Variants in CNTNAP2 observed in about 807,000 individuals in gnomAD.
The protein encoded by CNTNAP2 is contactin associated protein 2, also known as contactin-associated protein-like 2.
A neutral mutation model predicts 155.2 loss-of-function variants in CNTNAP2; 98 were observed. The observed-to-expected ratio is 0.63, with a 90% CI of 0.54 to 0.75. CNTNAP2 has a LOEUF of 0.75. Ranked by LOEUF, CNTNAP2 falls within the 30% of genes least tolerant of loss-of-function variation. CNTNAP2 has a pLI of 0.00. For missense variants in CNTNAP2, 1,727 were observed against 1,688.1 expected (o/e 1.02, Z -0.40); for synonymous variants, 651 against 631.2 (o/e 1.03, Z -0.47).
chr7:147,792,292 C>A (rs1295550974), intron 13 of CNTNAP2, among the ~76,000 whole-genome samples: 1 of 152,128 alleles, frequency 6.6e-6, no homozygotes, highest in East Asian at 1.9e-4. Context: ...ATTTTAGAAT[C>A]GTTTCAGTAA....
At chr7:147,200,639 G>GT (rs1802903621) in intron 8 of CNTNAP2, among the ~76,000 whole-genome samples, 1 of 152,162 alleles carries the variant, frequency 6.6e-6, no homozygotes, top group Non-Finnish European at 1.5e-5. Context: ...ACTATAAAAA[G>GT]TTTTTTAGAA....
intron 2 of CNTNAP2, among the ~76,000 whole-genome samples, chr7:146,803,448 T>C (rs1277234549): frequency 2.0e-5 from 3 of 152,158 alleles, no homozygotes; most frequent in Non-Finnish European, 4.4e-5. Context: ...GCACATAATC[T>C]CTTGTTTTCA....
chr7:147,150,126 T>A (rs1316877622), intron 8 of CNTNAP2, among the ~76,000 whole-genome samples: 1 of 152,190 alleles, frequency 6.6e-6, no homozygotes, highest in Non-Finnish European at 1.5e-5. Flanking sequence ...CAGTTAGGGA[T>A]GTGAGTCTGG....
At chr7:146,744,227 CAAA>C (rs60606492) in intron 1 of CNTNAP2, among the ~76,000 whole-genome samples, 139 of 48,146 alleles carry the variant, frequency 2.9e-3, no homozygotes, top group African/African-American at 9.2e-3. Flanking sequence ...CACTCTGTCT[CAAA>C]AAAAAAAAAA....
rs149800074 is a variant in CNTNAP2, at chr7:146,673,831, C to T, written c.98-100440C>T. On this transcript the variant is annotated intron_variant, in intron 1 of 23. Transcript: ENST00000361727. Reference sequence around the variant, plus strand: ...GTAGTGGCTTCAAGAGATCTTCCCACCCCAGCCTCCCAAAGTGCTGGGGTT... The same window carrying T: ...GTAGTGGCTTCAAGAGATCTTCCCATCCCAGCCTCCCAAAGTGCTGGGGTT... Among the ~76,000 whole-genome samples, 469 of 152,282 alleles carry T rather than the reference C, an allele frequency of 3.1e-3. 3 individuals carry two copies. Among genetic ancestry groups the T allele is most frequent in the Middle Eastern group, 0.014 (4 of 292 alleles).
At chr7:147,783,527 T>C (rs976721035) in intron 13 of CNTNAP2, among the ~76,000 whole-genome samples, 9 of 152,184 alleles carry the variant, frequency 5.9e-5, no homozygotes, top group Non-Finnish European at 1.2e-4. Flanking sequence ...ACTGGGTGCC[T>C]TAAACAACAG....
At chr7:147,586,641 C>G (rs1341911282) in intron 12 of CNTNAP2, among the ~76,000 whole-genome samples, 1 of 151,656 alleles carries the variant, frequency 6.6e-6, no homozygotes, top group African/African-American at 2.4e-5. Flanking sequence ...AGAAACAAAA[C>G]GGAAATACCC....
chr7:146,262,520 T>C (rs527315425), intron 1 of CNTNAP2, among the ~76,000 whole-genome samples: 5 of 152,300 alleles, frequency 3.3e-5, no homozygotes, highest in African/African-American at 9.6e-5. Context: ...ATAACATTTT[T>C]CCAATATGTA....
At chr7:148,254,658 C>T (rs1011442551) in intron 20 of CNTNAP2, among the ~76,000 whole-genome samples, 2 of 151,840 alleles carry the variant, frequency 1.3e-5, no homozygotes, top group Non-Finnish European at 2.9e-5. Flanking sequence ...CACCTGTAGT[C>T]CCAGCTACTC....
chr7:146,544,871 G>C (rs1185339983), intron 1 of CNTNAP2, among the ~76,000 whole-genome samples: 1 of 151,916 alleles, frequency 6.6e-6, no homozygotes, highest in Non-Finnish European at 1.5e-5. Context: ...AATCATCACA[G>C]GGTACTCTTG....
intron 17 of CNTNAP2, among the ~76,000 whole-genome samples, chr7:148,155,147 T>C (rs1314989583): frequency 6.6e-6 from 1 of 152,188 alleles, no homozygotes; most frequent in Non-Finnish European, 1.5e-5. Flanking sequence ...ATTCTTGTTT[T>C]ATTCTCACAT....
intron 1 of CNTNAP2, among the ~76,000 whole-genome samples, chr7:146,363,492 G>C (rs1860683): frequency 0.22 from 33,907 of 152,002 alleles, 7,938 homozygotes; most frequent in African/African-American, 0.59. Context: ...TCTAACAGTA[G>C]AGACTGGGTA....
At chr7:146,811,538 C>T (rs1483678945) in intron 2 of CNTNAP2, among the ~76,000 whole-genome samples, 1 of 151,720 alleles carries the variant, frequency 6.6e-6, no homozygotes, top group Admixed American at 6.6e-5. Flanking sequence ...CTTTGTTAGT[C>T]TAGCTAAAGG....
At chr7:146,494,247 T>A (rs1797180852) in intron 1 of CNTNAP2, among the ~76,000 whole-genome samples, 1 of 151,778 alleles carries the variant, frequency 6.6e-6, no homozygotes, top group South Asian at 2.1e-4. Context: ...GGCAGGAGAA[T>A]GGCATGAATC....
intron 15 of CNTNAP2, among the ~76,000 whole-genome samples, chr7:147,996,668 T>C (rs1458303190): frequency 1.3e-5 from 2 of 152,124 alleles, no homozygotes; most frequent in Non-Finnish European, 2.9e-5. Flanking sequence ...GTTATAAATA[T>C]TACAGAAAAA....
At chr7:146,829,417 GTT>G (rs1336894417) in intron 2 of CNTNAP2, among the ~76,000 whole-genome samples, 1 of 151,928 alleles carries the variant, frequency 6.6e-6, no homozygotes, top group Non-Finnish European at 1.5e-5. Context: ...GAAACTTTTT[GTT>G]TTCTCAGCAA....
intron 14 of CNTNAP2, among the ~76,000 whole-genome samples, chr7:147,909,943 C>G (rs941714263): frequency 9.8e-5 from 15 of 152,300 alleles, no homozygotes; most frequent in Non-Finnish European, 1.8e-4. Context: ...AGGCCAAATA[C>G]TAGCCGTTGT....
At chr7:147,053,890 A>G (rs751242194) in intron 4 of CNTNAP2, among the ~76,000 whole-genome samples, 1 of 152,188 alleles carries the variant, frequency 6.6e-6, no homozygotes, top group Non-Finnish European at 1.5e-5. Context: ...AAGAGGAGCC[A>G]TATGTGTACT....
intron 13 of CNTNAP2, among the ~76,000 whole-genome samples, chr7:147,848,934 C>T (rs982694179): frequency 1.7e-4 from 26 of 151,806 alleles, no homozygotes; most frequent in Middle Eastern, 3.4e-3. Flanking sequence ...AGATCAGAGT[C>T]GGAAAAGCCT....
Sources: allele counts gnomAD v4.1 joint callset (sites outside exome capture counted in the v4.1 genomes callset), GRCh38; gene constraint gnomAD v4.1.1; transcripts MANE v1.5; gene names NCBI Gene and HGNC (gene_info 2026-07-23, HGNC 2026-07-21).